Variants in PSD3 observed in about 807,000 individuals in gnomAD.
The protein encoded by PSD3 is pleckstrin and Sec7 domain containing 3, also known as PH and SEC7 domain-containing protein 3.
In PSD3, 49 loss-of-function variants were observed where a neutral mutation model predicts 105.5. That is an observed-to-expected ratio of 0.46 (90% CI 0.37 to 0.59). The LOEUF (loss-of-function observed/expected upper bound fraction) is 0.59, where lower values mean the gene tolerates loss of function less well. Ranked by LOEUF, PSD3 falls within the 20% of genes least tolerant of loss-of-function variation. The pLI is 0.00. For missense variants in PSD3, 1,561 were observed against 1,263.8 expected, an observed-to-expected ratio of 1.24 and a Z score of -3.57; for synonymous variants, 557 against 457.8, an observed-to-expected ratio of 1.22 and a Z score of -2.77.
At chr8:18,832,016 G>A (rs545114294) in intron 4 of PSD3, among the ~76,000 whole-genome samples, 2 of 152,228 alleles carry the variant, frequency 1.3e-5, no homozygotes, top group African/African-American at 4.8e-5. Context: ...AACCATCCAG[G>A]CTCACAAAAG....
At chr8:18,676,577 C>T (rs1385425594) in intron 9 of PSD3, among the ~76,000 whole-genome samples, 1 of 152,164 alleles carries the variant, frequency 6.6e-6, no homozygotes, top group African/African-American at 2.4e-5. Flanking sequence ...AGTGTCCTAT[C>T]CTGAGTAGGA....
chr8:18,591,139 G>C (rs1269602968), intron 12 of PSD3, among the ~76,000 whole-genome samples: 1 of 152,102 alleles, frequency 6.6e-6, no homozygotes, highest in Admixed American at 6.6e-5. Flanking sequence ...AGAGCACAAA[G>C]CCAAGAAACC....
chr8:18,760,401 C>A (rs536222961), intron 9 of PSD3, among the ~76,000 whole-genome samples: 10 of 151,904 alleles, frequency 6.6e-5, no homozygotes, highest in African/African-American at 2.4e-4. Context: ...TGTTTAAATC[C>A]CCACCATCCC....
At chr8:19,038,494 T>C (rs551751804) in intron 1 of PSD3, among the ~76,000 whole-genome samples, 1 of 152,324 alleles carries the variant, frequency 6.6e-6, no homozygotes, top group Non-Finnish European at 1.5e-5. Context: ...TAAGACAGGG[T>C]CTCTTTCTGT....
chr8:18,668,960 G>A (rs1799629866), intron 9 of PSD3, among the ~76,000 whole-genome samples: 1 of 152,166 alleles, frequency 6.6e-6, no homozygotes, highest in Non-Finnish European at 1.5e-5. Flanking sequence ...TGTTTTCACA[G>A]GGAAAGATAT....
intron 9 of PSD3, among the ~76,000 whole-genome samples, chr8:18,701,160 G>A (rs368501616): frequency 6.9e-6 from 1 of 145,854 alleles, no homozygotes. Context: ...TGTAGAGACA[G>A]GATCACTCTA....
At chr8:19,079,958 TG>T (rs1225054762) in intron 1 of PSD3, among the ~76,000 whole-genome samples, 1 of 151,588 alleles carries the variant, frequency 6.6e-6, no homozygotes, top group Admixed American at 6.6e-5. Context: ...GGTGCAATCT[TG>T]GCTCATTACA....
chr8:18,792,060 A>C (rs1485736900), intron 8 of PSD3, among the ~76,000 whole-genome samples: 1 of 152,182 alleles, frequency 6.6e-6, no homozygotes, highest in South Asian at 2.1e-4. Flanking sequence ...AAAAGTCAAA[A>C]AACAACAGAT....
At chr8:18,799,395 C>A (rs1810487717) in intron 7 of PSD3, 42 bp from the exon 8 acceptor site, 1 of 1,428,772 alleles carries the variant, frequency 7.0e-7, no homozygotes, top group South Asian at 1.1e-5. Context: ...ATTCGCTTTT[C>A]ACTGTTGGAC....
intron 8 of PSD3, among the ~76,000 whole-genome samples, chr8:18,769,278 T>A (rs942347440): frequency 2.0e-5 from 3 of 152,210 alleles, no homozygotes; most frequent in African/African-American, 7.2e-5. Context: ...CATCAGTTAA[T>A]CACCAAAACT....
chr8:18,823,890 A>G (rs1391478045), intron 4 of PSD3, among the ~76,000 whole-genome samples: 7 of 152,276 alleles, frequency 4.6e-5, no homozygotes, highest in African/African-American at 1.7e-4. Flanking sequence ...TTAGTGGAGA[A>G]AAAGTGAGGT....
chr8:18,586,952 T>C (rs1012561395), intron 12 of PSD3, among the ~76,000 whole-genome samples: 13 of 152,120 alleles, frequency 8.5e-5, no homozygotes, highest in African/African-American at 2.9e-4. Context: ...GATCCTGGGA[T>C]CTTTGCATCC....
chr8:18,818,871 G>A (rs1339385434), intron 4 of PSD3, among the ~76,000 whole-genome samples: 7 of 152,022 alleles, frequency 4.6e-5, no homozygotes, highest in Non-Finnish European at 8.8e-5. Flanking sequence ...GAATCCCCTT[G>A]GACTGATAAA....
chr8:18,545,726 T>C lies in PSD3; in HGVS notation c.2929-9768A>G, dbSNP rs188387194. Among the ~76,000 whole-genome samples the C allele has an allele frequency of 3.8e-3, 577 of 152,342 alleles. 3 individuals carry two copies. Among genetic ancestry groups the C allele is most frequent in the African/African-American group, 0.013 (551 of 41,586 alleles). On this transcript the variant is annotated intron_variant, in intron 15 of 15. Coordinates refer to ENST00000327040, the MANE Select transcript of PSD3 (RefSeq NM_015310.4). ...TAATCTTTTGGTTTACACTTTGCTT[T>C]TCCTTCTGATTGTACTGGAATTCCC...
chr8:18,998,128 T>C (rs1244433040), intron 1 of PSD3, among the ~76,000 whole-genome samples: 2 of 151,944 alleles, frequency 1.3e-5, no homozygotes, highest in African/African-American at 4.8e-5. Flanking sequence ...AAAGTGACTG[T>C]GACACAGAAC....
intron 1 of PSD3, among the ~76,000 whole-genome samples, chr8:18,973,981 G>A (rs1824792213): frequency 6.6e-6 from 1 of 152,130 alleles, no homozygotes; most frequent in African/African-American, 2.4e-5. Context: ...AGCAGGACAG[G>A]ATCCCAGACC....
Position 18,697,069 on chromosome 8 carries a change from T to C in PSD3, c.2173-41384A>G, listed in dbSNP as rs549938914. 5.3e-5 allele frequency among the ~76,000 whole-genome samples: 8 copies of C among 151,796 alleles called. No homozygotes were observed. In the East Asian group the frequency reaches 1.5e-3, roughly 29 times the overall value. On this transcript the variant is annotated intron_variant, in intron 9 of 15. Coordinates refer to ENST00000327040, the MANE Select transcript of PSD3 (RefSeq NM_015310.4). ...ACCAGCCTGGGCAACATAGTAAGACTCTCTTTCTATTTTATCAAATTTAAA... is the reference window on the plus strand; with the variant it reads ...ACCAGCCTGGGCAACATAGTAAGACCCTCTTTCTATTTTATCAAATTTAAA...
intron 10 of PSD3, among the ~76,000 whole-genome samples, chr8:18,643,609 T>C (rs534669726): frequency 7.2e-5 from 11 of 152,122 alleles, no homozygotes; most frequent in African/African-American, 2.4e-4. Context: ...GAAAAAAGAA[T>C]GAACAAAACC....
At chr8:19,040,000 T>A (rs1828067632) in intron 1 of PSD3, among the ~76,000 whole-genome samples, 1 of 152,096 alleles carries the variant, frequency 6.6e-6, no homozygotes, top group Non-Finnish European at 1.5e-5. Flanking sequence ...TTATTTTAGT[T>A]AGGATGGTGT....
Sources: gnomAD v4.1 joint callset for allele counts (sites outside exome capture counted in the v4.1 genomes callset) on GRCh38, gnomAD v4.1.1 for gene constraint, MANE v1.5 for transcripts, NCBI Gene and HGNC (gene_info 2026-07-23, HGNC 2026-07-21) for gene names.